CACNA1C: variants seen among roughly 807,000 people sequenced by gnomAD.
The protein encoded by CACNA1C is calcium voltage-gated channel subunit alpha1 C, also known as voltage-dependent L-type calcium channel subunit alpha-1C.
CACNA1C carries 30 observed loss-of-function variants against 229.0 expected under a neutral mutation model. The observed-to-expected ratio is 0.13, with a 90% CI of 0.10 to 0.18. CACNA1C has a LOEUF of 0.18. CACNA1C is among the 10% of genes least tolerant of loss of function. The probability of loss-of-function intolerance (pLI) is 1.00; values close to 1 mark genes in which losing one functional copy is unlikely to be tolerated. For synonymous variants in CACNA1C, 1,114 were observed against 1,132.5 expected (o/e 0.98, Z 0.33); for missense variants, 1,658 against 2,845.0 (o/e 0.58, Z 9.49).
intron 9 of CACNA1C, chr12:2,547,432 C>G (rs1327935581): frequency 2.6e-6 from 2 of 779,590 alleles, no homozygotes; most frequent in South Asian, 1.3e-5. Flanking sequence ...TTGACACTGA[C>G]CATCTTGTCT....
chr12:2,097,646 G>C (rs949963013), intron 1 of CACNA1C, among the ~76,000 whole-genome samples: 2 of 152,206 alleles, frequency 1.3e-5, no homozygotes, highest in African/African-American at 4.8e-5. Context: ...GTAAATTACA[G>C]TGAGCCGCCG....
In CACNA1C at chr12:2,313,053, G is replaced by A. The variant is rs115189520; in HGVS notation, c.478-135923G>A. 4.4e-3 allele frequency among the ~76,000 whole-genome samples: 663 copies of A among 152,260 alleles called. 7 individuals are homozygous for A. Among genetic ancestry groups the A allele is most frequent in the African/African-American group, 0.014 (575 of 41,532 alleles). ...TATAGCAGAACTTGATTGAAATGCT[G>A]TACAGAATTGGCCTGGGAGTACAGA... On this transcript the variant is annotated intron_variant, in intron 3 of 46. Coordinates refer to ENST00000399655, the MANE Select transcript of CACNA1C (RefSeq NM_000719.7).
chr12:2,681,277 A>C (rs143370973), intron 42 of CACNA1C, among the ~76,000 whole-genome samples: 11 of 152,218 alleles, frequency 7.2e-5, no homozygotes, highest in African/African-American at 2.4e-4. Flanking sequence ...CCACAGATAT[A>C]TCTCTCCACA....
chr12:2,102,745 C>G lies in CACNA1C; in HGVS notation c.50-12479C>G, dbSNP rs149976225. Among the ~76,000 whole-genome samples the G allele has an allele frequency of 5.6e-3, 855 of 152,236 alleles. 7 individuals carry two copies. Among genetic ancestry groups the G allele is most frequent in the African/African-American group, 0.02 (811 of 41,502 alleles). On this transcript the variant is annotated intron_variant, in intron 1 of 46. Coordinates refer to ENST00000399655, the MANE Select transcript of CACNA1C (RefSeq NM_000719.7). ...CTATCCCTCCCCTATCCCCGTACTC[C>G]CCGAAAGGCCCTGGTGTATGATGTT...
chr12:2,309,992 G>A (rs1278409650), intron 3 of CACNA1C, among the ~76,000 whole-genome samples: 4 of 152,188 alleles, frequency 2.6e-5, no homozygotes, highest in Non-Finnish European at 5.9e-5. Context: ...TAACACCCTA[G>A]TACTACCTGT....
At position 2,146,537 on chromosome 12, in the gene CACNA1C, C is replaced by T. The variant is rs2154200973; in HGVS notation, c.477+26107C>T. On this transcript the variant is annotated intron_variant, in intron 3 of 46. Coordinates refer to ENST00000399655, the MANE Select transcript of CACNA1C (RefSeq NM_000719.7). ...CCCTCCACTGGCGCCACAGGAGGGG[C>T]AGCCCCGGGCCTGAGGTCTTTGGGA... is the stretch of plus-strand genomic sequence containing the variant. Among the ~76,000 whole-genome samples, 2 of 151,292 alleles carry T rather than the reference C, an allele frequency of 1.3e-5. 1 individual carries two copies. The highest frequency in any genetic ancestry group is 4.2e-4 in the South Asian group (2 of 4,736).
intron 3 of CACNA1C, among the ~76,000 whole-genome samples, chr12:2,129,504 A>G (rs1411396250): frequency 6.6e-6 from 1 of 152,204 alleles, no homozygotes. Context: ...TTGGGGGAGA[A>G]TCTTCCAAAT....
At chr12:2,259,060 C>T (rs967897726) in intron 3 of CACNA1C, among the ~76,000 whole-genome samples, 2 of 152,222 alleles carry the variant, frequency 1.3e-5, no homozygotes, top group African/African-American at 4.8e-5. Context: ...TCACCTGGCC[C>T]TGGGGAAATC....
At position 2,511,779 on chromosome 12, in the gene CACNA1C, C is replaced by T. The variant is rs1281305296; in HGVS notation, c.1218-1033C>T. ...CTTGCTCAGAAAGTGAATTCGAAGT[C>T]AGAGAGAAAATTAGGACAGAATCAT... On this transcript the variant is annotated intron_variant, in intron 8 of 46. Transcript: ENST00000399655. Among the ~76,000 whole-genome samples the T allele has an allele frequency of 2.0e-5, 3 of 152,188 alleles. No individual in the cohort carries two copies. In the East Asian group the frequency reaches 5.8e-4, roughly 29 times the overall value.
At chr12:2,070,909 C>CTCTCCT (rs1278392732) in intron 1 of CACNA1C, among the ~76,000 whole-genome samples, 1 of 140,726 alleles carries the variant, frequency 7.1e-6, no homozygotes, top group African/African-American at 2.9e-5. Flanking sequence ...CCTTTTCTCT[C>CTCTCCT]TCCTTCCTTC....
At chr12:2,375,476 C>T (rs563858359) in intron 3 of CACNA1C, among the ~76,000 whole-genome samples, 1 of 152,248 alleles carries the variant, frequency 6.6e-6, no homozygotes, top group East Asian at 1.9e-4. Flanking sequence ...TCTCTGAACA[C>T]CAAGTGAAGG....
intron 1 of CACNA1C, among the ~76,000 whole-genome samples, chr12:1,984,221 T>C (rs1270777608): frequency 6.6e-6 from 1 of 152,124 alleles, no homozygotes; most frequent in East Asian, 1.9e-4. Context: ...CCCATTTACA[T>C]GTAACGTAAC....
chr12:2,311,486 T>C (rs555430923), intron 3 of CACNA1C, among the ~76,000 whole-genome samples: 1 of 152,128 alleles, frequency 6.6e-6, no homozygotes, highest in Non-Finnish European at 1.5e-5. Context: ...CAGAAAACAG[T>C]GAAACGGGAA....
intron 30 of CACNA1C, among the ~76,000 whole-genome samples, chr12:2,638,925 CACA>C (rs1205024542): frequency 6.6e-6 from 1 of 152,166 alleles, no homozygotes; most frequent in East Asian, 1.9e-4. Flanking sequence ...TGGAGTCATT[CACA>C]ACAAGATGGT....
chr12:2,013,037 C>A (rs2044704502), intron 1 of CACNA1C, among the ~76,000 whole-genome samples: 1 of 152,160 alleles, frequency 6.6e-6, no homozygotes, highest in Admixed American at 6.5e-5. Flanking sequence ...GAAAATTAAA[C>A]CTAGCCATAG....
chr12:2,310,579 C>T (rs1199152897), intron 3 of CACNA1C, among the ~76,000 whole-genome samples: 1 of 152,088 alleles, frequency 6.6e-6, no homozygotes, highest in African/African-American at 2.4e-5. Flanking sequence ...CAAGCCCCAG[C>T]CCTCCATTTT....
At chr12:2,388,440 G>C (rs1408974395) in intron 3 of CACNA1C, among the ~76,000 whole-genome samples, 1 of 152,184 alleles carries the variant, frequency 6.6e-6, no homozygotes, top group Non-Finnish European at 1.5e-5. Flanking sequence ...GTTGTTATTT[G>C]TCAATTATAC....
intron 3 of CACNA1C, among the ~76,000 whole-genome samples, chr12:2,141,433 G>A (rs1024191153): frequency 5.3e-5 from 8 of 151,316 alleles, no homozygotes; most frequent in Non-Finnish European, 8.9e-5. Flanking sequence ...TTGAAGGGAA[G>A]TCGGTCATGG....
intron 6 of CACNA1C, among the ~76,000 whole-genome samples, chr12:2,491,653 AGAG>A (rs901364093): frequency 6.2e-5 from 8 of 129,182 alleles, no homozygotes; most frequent in Middle Eastern, 4.4e-3. Context: ...AGGAGGAGGA[AGAG>A]GAGGAGGAGG....
Sources: gnomAD v4.1 joint callset for allele counts (sites outside exome capture counted in the v4.1 genomes callset) on GRCh38, gnomAD v4.1.1 for gene constraint, MANE v1.5 for transcripts, NCBI Gene and HGNC (gene_info 2026-07-23, HGNC 2026-07-21) for gene names.